The following FAF2 variants were observed in gnomAD, a reference collection of about 807,000 sequenced individuals.
FAF2 encodes the protein Fas associated factor family member 2.
A neutral mutation model predicts 62.3 loss-of-function variants in FAF2; 9 were observed. The observed-to-expected ratio is 0.14, with a 90% CI of 0.09 to 0.25. FAF2 has a LOEUF of 0.25. Among genes scored for constraint, FAF2 ranks in the 10% least tolerant of loss-of-function variants. The pLI is 1.00. For missense variants in FAF2, 368 were observed against 556.2 expected (o/e 0.66, Z 3.40); for synonymous variants, 202 against 198.0 (o/e 1.02, Z -0.17).
At chr5:176,462,395 G>A (rs1328059986) in intron 1 of FAF2, among the ~76,000 whole-genome samples, 1 of 151,976 alleles carries the variant, frequency 6.6e-6, no homozygotes, top group Non-Finnish European at 1.5e-5. Context: ...GGAGGCCAAG[G>A]CAGGCAGATC....
chr5:176,448,427 G>T lies in FAF2; in HGVS notation c.20G>T (p.Arg7Leu), dbSNP rs1039105017. Reference sequence around the variant, plus strand: ...GGCAAAATGGCGGCGCCTGAGGAGCGGGATCTAACCCAGGAGCAGACAGAG... The same window carrying T: ...GGCAAAATGGCGGCGCCTGAGGAGCTGGATCTAACCCAGGAGCAGACAGAG... The part of the protein sequence containing the change: MAAPEE[R>L]DLTQEQTEKL... The change falls in exon 1 of 11, where the codon CGG becomes CTG. Residue 7 changes from arginine (R) to leucine (L), a missense_variant. Arg to Leu is a moderately radical substitution (Grantham distance 102). Around this residue, in one of 2 missense-constraint regions of FAF2, gnomAD observed 331 missense variants for 441.9 expected, o/e 0.75. Transcript: ENST00000261942. The T allele has an allele frequency of 6.2e-6, 10 of 1,607,324 alleles. No homozygotes were observed. The African/African-American group carries it at 1.3e-4, about 21-fold the overall frequency.
chr5:176,496,359 TA>T, intron 7 of FAF2, 126 bp from the exon 8 acceptor site: 1 of 690,294 alleles, frequency 1.4e-6, no homozygotes, highest in Non-Finnish European at 2.2e-6. Flanking sequence ...AAGCGGAGAC[TA>T]AATGATACCT....
chr5:176,458,836 T>G (rs988184367), intron 1 of FAF2, among the ~76,000 whole-genome samples: 7 of 152,180 alleles, frequency 4.6e-5, no homozygotes, highest in Non-Finnish European at 1.0e-4. Flanking sequence ...ATTCCAGTGA[T>G]ACTTTTTAAT....
At chr5:176,470,909 CAA>C (rs1259094130) in intron 1 of FAF2, among the ~76,000 whole-genome samples, 1 of 152,182 alleles carries the variant, frequency 6.6e-6, no homozygotes, top group African/African-American at 2.4e-5. Flanking sequence ...TAAAGCCACT[CAA>C]ATTTAGCAAT....
At chr5:176,476,214 C>G (rs943042039) in intron 1 of FAF2, among the ~76,000 whole-genome samples, 9 of 152,014 alleles carry the variant, frequency 5.9e-5, no homozygotes, top group Admixed American at 5.2e-4. Context: ...GAGCCAAGAT[C>G]GTTCCACTGC....
chr5:176,489,641 G>A (rs900414555), intron 4 of FAF2, among the ~76,000 whole-genome samples: 1 of 152,094 alleles, frequency 6.6e-6, no homozygotes, highest in African/African-American at 2.4e-5. Flanking sequence ...GGGTTCAAGC[G>A]ATTCTCATAC....
intron 3 of FAF2, among the ~76,000 whole-genome samples, chr5:176,487,398 G>A (rs1185749906): frequency 6.6e-6 from 1 of 152,084 alleles, no homozygotes; most frequent in East Asian, 1.9e-4. Flanking sequence ...GCCCAGGCTG[G>A]TCTTGAACTC....
At chr5:176,487,057 C>T (rs2963666) in intron 3 of FAF2, among the ~76,000 whole-genome samples, 123,878 of 152,186 alleles carry the variant, frequency 0.81, 50,422 homozygotes, top group African/African-American at 0.86. Flanking sequence ...TTTCTTACCC[C>T]TGGGGTTATA....
rs1470261434 is a variant in FAF2 at position 176,509,634 on chromosome 5, T to TA, written c.*2685dup. ...CTTCTGCAGAATTTCCTCTAGCAAATACTTCTTTCTCCTTGCTTGCCTCCA... is the reference window on the plus strand; with the variant it reads ...CTTCTGCAGAATTTCCTCTAGCAAATAACTTCTTTCTCCTTGCTTGCCTCCA... On this transcript the variant is annotated 3_prime_UTR_variant, in exon 11 of 11. Coordinates refer to ENST00000261942, the MANE Select transcript of FAF2 (RefSeq NM_014613.3). The TA allele has an allele frequency of 2.6e-5, 4 of 152,628 alleles. No homozygotes were observed. The highest frequency in any genetic ancestry group is 4.4e-5 in the Non-Finnish European group (3 of 68,042). 9.5% of individuals were successfully genotyped at this position (152,628 alleles called of 1,614,324 possible). A position where few individuals can be genotyped will look rare whatever the true frequency, so the allele number is the denominator to read the frequency against.
intron 7 of FAF2, among the ~76,000 whole-genome samples, chr5:176,495,581 A>G (rs1432079801): frequency 6.8e-6 from 1 of 147,750 alleles, no homozygotes; most frequent in East Asian, 2.0e-4. Context: ...GTGCGATCTC[A>G]GTTCACTGCA....
intron 1 of FAF2, among the ~76,000 whole-genome samples, chr5:176,475,447 T>G (rs1414428154): frequency 6.6e-6 from 1 of 152,180 alleles, no homozygotes; most frequent in Non-Finnish European, 1.5e-5. Flanking sequence ...GTTACTTTAG[T>G]GAGGGATTTA....
chr5:176,506,465 T>A (rs1406352864), intron 10 of FAF2, among the ~76,000 whole-genome samples: 1 of 152,184 alleles, frequency 6.6e-6, no homozygotes, highest in East Asian at 1.9e-4. Flanking sequence ...ACTTCCAACT[T>A]TTCTGTAACT....
intron 4 of FAF2, among the ~76,000 whole-genome samples, chr5:176,490,428 A>G (rs549066544): frequency 6.6e-4 from 100 of 152,264 alleles, no homozygotes; most frequent in African/African-American, 2.3e-3. Flanking sequence ...TAAATGTTCA[A>G]GGGCATCCAG....
At chr5:176,452,746 T>C (rs1758211494) in intron 1 of FAF2, among the ~76,000 whole-genome samples, 1 of 152,148 alleles carries the variant, frequency 6.6e-6, no homozygotes, top group Non-Finnish European at 1.5e-5. Flanking sequence ...AAAGCCAGAT[T>C]TTGGAGGCCT....
At position 176,503,058 on chromosome 5, in the gene FAF2, T is replaced by A. The variant is rs543705583; in HGVS notation, c.1155+2912T>A. On this transcript the variant is annotated intron_variant, in intron 10 of 10. Transcript: ENST00000261942. The stretch of plus-strand genomic sequence containing the variant: ...GCGAGGCTGTGTCTCAAAAAAAAAA[T>A]GAATAAAATAAATAAAAATAAAAAA... Among the ~76,000 whole-genome samples the A allele has an allele frequency of 4.7e-5, 7 of 149,350 alleles. 1 individual carries two copies. The East Asian group carries it at 1.2e-3, about 26-fold the overall frequency.
intron 1 of FAF2, among the ~76,000 whole-genome samples, chr5:176,454,871 T>C (rs1232657728): frequency 6.6e-6 from 1 of 152,214 alleles, no homozygotes; most frequent in African/African-American, 2.4e-5. Context: ...TACTCTGTAA[T>C]GCACTCAAGT....
intron 7 of FAF2, among the ~76,000 whole-genome samples, chr5:176,495,894 A>AATT (rs1399971951): frequency 6.6e-6 from 1 of 152,142 alleles, no homozygotes; most frequent in Non-Finnish European, 1.5e-5. Flanking sequence ...GAGAAAGGAT[A>AATT]AGGAAAGGAT....
intron 1 of FAF2, among the ~76,000 whole-genome samples, chr5:176,463,555 C>A (rs1758416049): frequency 6.6e-6 from 1 of 151,882 alleles, no homozygotes; most frequent in African/African-American, 2.4e-5. Context: ...TTCTGGAAGA[C>A]CTCATGTTTC....
intron 1 of FAF2, among the ~76,000 whole-genome samples, chr5:176,459,270 T>TC (rs1758333490): frequency 7.0e-6 from 1 of 143,206 alleles, no homozygotes; most frequent in African/African-American, 2.8e-5. Flanking sequence ...TTTTTTTTTT[T>TC]CTTTTTGAGA....
Sources: allele counts gnomAD v4.1 joint callset (sites outside exome capture counted in the v4.1 genomes callset), GRCh38; gene constraint gnomAD v4.1.1; regional missense constraint gnomAD v4.1.1; transcripts MANE v1.5; gene names NCBI Gene and HGNC (gene_info 2026-07-23, HGNC 2026-07-21).